The following FAM117B variants were observed in gnomAD, a reference collection of about 807,000 sequenced individuals.
FAM117B encodes family with sequence similarity 117 member B.
A neutral mutation model predicts 52.8 loss-of-function variants in FAM117B; 22 were observed. That is an observed-to-expected ratio of 0.42 (90% CI 0.30 to 0.59). FAM117B has a LOEUF of 0.59. FAM117B is among the 20% of genes least tolerant of loss of function. FAM117B has a pLI of 0.22. For missense variants in FAM117B, 678 were observed against 802.6 expected, an observed-to-expected ratio of 0.84 and a Z score of 1.88; for synonymous variants, 309 against 324.1, an observed-to-expected ratio of 0.95 and a Z score of 0.50.
At chr2:202,713,407 G>A (rs1690987229) in intron 2 of FAM117B, among the ~76,000 whole-genome samples, 1 of 151,916 alleles carries the variant, frequency 6.6e-6, no homozygotes. Context: ...TATTTATTTA[G>A]ATCTCTCTTT....
intron 2 of FAM117B, among the ~76,000 whole-genome samples, chr2:202,709,860 T>C (rs1217463944): frequency 6.6e-6 from 1 of 152,196 alleles, no homozygotes; most frequent in African/African-American, 2.4e-5. Context: ...TGCATGAGGA[T>C]ATTCAGTTTC....
rs913784800 is a variant in FAM117B, at chr2:202,635,375, G to GCAA, written c.196_198dup (p.Asn66dup). The GCAA allele has an allele frequency of 5.9e-6, 8 of 1,367,036 alleles. No individual in the cohort carries two copies. In the South Asian group the frequency reaches 6.9e-5, roughly 12 times the overall value. The allele number at this position is 1,367,036 out of a possible 1,614,324, so 84.7% of individuals were successfully genotyped here. ...ACGCGGAGCGGCGGCGGCGGCGGCG[G>GCAA]CAACAACAACGGTGGCTGCTGTGGT... is the stretch of plus-strand genomic sequence containing the variant. On this transcript the variant is annotated inframe_insertion, in exon 1 of 8. Transcript: ENST00000392238.
chr2:202,691,569 G>A (rs1690623711), intron 1 of FAM117B, among the ~76,000 whole-genome samples: 1 of 151,536 alleles, frequency 6.6e-6, no homozygotes, highest in African/African-American at 2.4e-5. Context: ...GGCAACTGAA[G>A]CAACAATGGT....
At chr2:202,656,166 A>G (rs1324353586) in intron 1 of FAM117B, among the ~76,000 whole-genome samples, 1 of 152,138 alleles carries the variant, frequency 6.6e-6, no homozygotes, top group Admixed American at 6.6e-5. Context: ...GGTCTTGTCA[A>G]AGAACCAGCT....
In FAM117B at chr2:202,757,257, A is replaced by G; in HGVS notation, c.1149A>G (p.Val383=). 6.2e-7 allele frequency: 1 copy of G among 1,614,132 alleles called. No individual in the cohort carries two copies. Among genetic ancestry groups the G allele is most frequent in the Non-Finnish European group, 8.5e-7 (1 of 1,180,022 alleles). The change falls in exon 6 of 8, where the codon GTA becomes GTG. Residue 383 remains valine (V), a synonymous_variant. Coordinates refer to ENST00000392238, the MANE Select transcript of FAM117B (RefSeq NM_173511.4). ...GCCATCGTGCTCCACCCCCCCTTGT[A>G]CAGAGAAGTAGCAGCACGCGCAGCA... The part of the protein sequence containing the change: ...PDGHRAPPPL[V]QRSSSTRSID...
chr2:202,733,361 G>C (rs1446338980), intron 4 of FAM117B, among the ~76,000 whole-genome samples: 2 of 152,170 alleles, frequency 1.3e-5, no homozygotes, highest in Non-Finnish European at 2.9e-5. Flanking sequence ...CAGGGTTCAA[G>C]AGCAGAGAAC....
chr2:202,748,045 T>C lies in FAM117B; in HGVS notation c.961-7493T>C, dbSNP rs867696400. ...AAGAACAAAGCTAGAGGCATCATAC[T>C]ACCTGACTTCAAAATATATTACACA... is the stretch of plus-strand genomic sequence containing the variant. On this transcript the variant is annotated intron_variant, in intron 4 of 7. Coordinates refer to ENST00000392238, the MANE Select transcript of FAM117B (RefSeq NM_173511.4). 3.9e-5 allele frequency among the ~76,000 whole-genome samples: 6 copies of C among 152,170 alleles called. No homozygotes were observed. The South Asian group carries it at 1.2e-3, about 31-fold the overall frequency.
Position 202,750,577 on chromosome 2 carries a change from A to G in FAM117B, c.961-4961A>G, listed in dbSNP as rs540022369. ...ATGCCCCATGTCCAAATACAGCCAC[A>G]TTGGCAGTTAGGGCTTCAACATATG... On this transcript the variant is annotated intron_variant, in intron 4 of 7. Transcript: ENST00000392238. Among the ~76,000 whole-genome samples, 19 of 152,310 alleles carry G rather than the reference A, an allele frequency of 1.2e-4. 1 individual carries two copies. In the East Asian group the frequency reaches 3.1e-3, roughly 25 times the overall value.
Position 202,697,562 on chromosome 2 carries a change from T to C in FAM117B, c.753+1530T>C, listed in dbSNP as rs79406564. On this transcript the variant is annotated intron_variant, in intron 2 of 7. Coordinates refer to ENST00000392238, the MANE Select transcript of FAM117B (RefSeq NM_173511.4). ...TTTTTTTTCTTTCTTTTTTTTTTTT[T>C]TCCCCTGAGATAGAATCTCGCTGTG... Among the ~76,000 whole-genome samples the C allele has an allele frequency of 1.8e-4, 28 of 151,762 alleles. No homozygotes were observed. In the East Asian group the frequency reaches 5.2e-3, roughly 28 times the overall value.
rs1221583870 is a variant in FAM117B at position 202,743,249 on chromosome 2, C to A, written c.961-12289C>A. 3.3e-5 allele frequency among the ~76,000 whole-genome samples: 5 copies of A among 152,306 alleles called. No homozygotes were observed. In the East Asian group the frequency reaches 5.8e-4, roughly 18 times the overall value. On this transcript the variant is annotated intron_variant, in intron 4 of 7. Transcript: ENST00000392238. The stretch of plus-strand genomic sequence containing the variant: ...CTTACCACAGCCTTCACTGACAACT[C>A]CAGCTTAAGCTGCTGAGAAACTCAG...
chr2:202,640,295 A>AATATAAAT (rs1224495912), intron 1 of FAM117B, among the ~76,000 whole-genome samples: 1 of 51,312 alleles, frequency 1.9e-5, no homozygotes, highest in Non-Finnish European at 3.4e-5. Flanking sequence ...ACCACCACAA[A>AATATAAAT]ATATATATAT....
chr2:202,743,615 A>T (rs1013999376), intron 4 of FAM117B, among the ~76,000 whole-genome samples: 1 of 134,080 alleles, frequency 7.5e-6, no homozygotes, highest in Admixed American at 7.3e-5. Context: ...TCAATGACAT[A>T]CAAAAGAACA....
At chr2:202,739,431 C>T (rs990166970) in intron 4 of FAM117B, among the ~76,000 whole-genome samples, 5 of 148,918 alleles carry the variant, frequency 3.4e-5, no homozygotes, top group African/African-American at 1.2e-4. Flanking sequence ...GTCTGTCTGT[C>T]CTTCCCTCCC....
chr2:202,702,734 T>G (rs1359817714), intron 2 of FAM117B, among the ~76,000 whole-genome samples: 1 of 152,118 alleles, frequency 6.6e-6, no homozygotes, highest in African/African-American at 2.4e-5. Context: ...TTTGTATTTT[T>G]AGTAGAGACG....
At chr2:202,695,297 C>A (rs1284417667) in intron 1 of FAM117B, among the ~76,000 whole-genome samples, 2 of 151,926 alleles carry the variant, frequency 1.3e-5, no homozygotes, top group African/African-American at 4.8e-5. Flanking sequence ...TTCTAGTCAA[C>A]CTTGGTCTGA....
chr2:202,680,497 AT>A (rs1690447082), intron 1 of FAM117B, among the ~76,000 whole-genome samples: 1 of 152,200 alleles, frequency 6.6e-6, no homozygotes, highest in Non-Finnish European at 1.5e-5. Context: ...TCCAAGTTCA[AT>A]TAATCTCAAG....
At chr2:202,739,888 T>C (rs1559113234) in intron 4 of FAM117B, among the ~76,000 whole-genome samples, 1 of 151,882 alleles carries the variant, frequency 6.6e-6, no homozygotes, top group Non-Finnish European at 1.5e-5. Context: ...ATTAAGTATT[T>C]AGGTTGGGCA....
chr2:202,756,170 A>G (rs572190081), intron 5 of FAM117B, among the ~76,000 whole-genome samples: 1 of 152,282 alleles, frequency 6.6e-6, no homozygotes, highest in Non-Finnish European at 1.5e-5. Flanking sequence ...TAATCCCAAC[A>G]CTTTGGGAGG....
chr2:202,640,334 A>ATATG (rs1345447593), intron 1 of FAM117B, among the ~76,000 whole-genome samples: 1 of 110,892 alleles, frequency 9.0e-6, no homozygotes, highest in African/African-American at 3.6e-5. Flanking sequence ...ATATATATAT[A>ATATG]TATATATATG....
Sources: gnomAD v4.1 joint callset for allele counts (sites outside exome capture counted in the v4.1 genomes callset) on GRCh38, gnomAD v4.1.1 for gene constraint, MANE v1.5 for transcripts, NCBI Gene and HGNC (gene_info 2026-07-23, HGNC 2026-07-21) for gene names.